Variants in IGF1R observed in about 807,000 individuals in gnomAD.
IGF1R encodes insulin-like growth factor 1 receptor.
IGF1R carries 44 observed loss-of-function variants against 144.6 expected under a neutral mutation model. The observed-to-expected ratio is 0.30, with a 90% CI of 0.24 to 0.39. The LOEUF (loss-of-function observed/expected upper bound fraction) is 0.39. IGF1R is among the 10% of genes least tolerant of loss of function. IGF1R has a pLI of 1.00. For missense variants in IGF1R, 1,355 were observed against 1,833.7 expected, an observed-to-expected ratio of 0.74 and a Z score of 4.77; for synonymous variants, 795 against 722.8, an observed-to-expected ratio of 1.10 and a Z score of -1.60.
intron 7 of IGF1R, 78 bp downstream of exon 7, chr15:98,911,519 G>C: frequency 1.9e-6 from 3 of 1,592,400 alleles, no homozygotes; most frequent in Non-Finnish European, 2.6e-6. Context: ...ATCCTTGAAT[G>C]GGCTGGCTGA....
At chr15:98,730,017 A>G (rs904219301) in intron 2 of IGF1R, among the ~76,000 whole-genome samples, 3 of 152,192 alleles carry the variant, frequency 2.0e-5, no homozygotes, top group Non-Finnish European at 4.4e-5. Context: ...TAAAAGCAGA[A>G]TTTGTGTCAG....
chr15:98,901,391 G>T (rs138176084), intron 5 of IGF1R, among the ~76,000 whole-genome samples: 5 of 152,174 alleles, frequency 3.3e-5, no homozygotes, highest in African/African-American at 1.2e-4. Context: ...TTTACCTCCC[G>T]ATGGGAAGTT....
chr15:98,745,745 A>G (rs1459616889), intron 2 of IGF1R, among the ~76,000 whole-genome samples: 1 of 152,206 alleles, frequency 6.6e-6, no homozygotes, highest in South Asian at 2.1e-4. Flanking sequence ...CCTGAAATCT[A>G]CACATTTATC....
chr15:98,859,948 C>A (rs1037251004), intron 2 of IGF1R, among the ~76,000 whole-genome samples: 4 of 152,166 alleles, frequency 2.6e-5, no homozygotes, highest in African/African-American at 9.7e-5. Context: ...TGGAGTCTTG[C>A]TCTGTCACCC....
At chr15:98,699,457 G>A (rs916879110) in intron 1 of IGF1R, among the ~76,000 whole-genome samples, 1 of 152,172 alleles carries the variant, frequency 6.6e-6, no homozygotes, top group Non-Finnish European at 1.5e-5. Flanking sequence ...TAGAATATTG[G>A]GCTTTGGGAT....
intron 5 of IGF1R, among the ~76,000 whole-genome samples, chr15:98,905,996 C>A (rs1791124428): frequency 6.6e-6 from 1 of 152,110 alleles, no homozygotes; most frequent in Non-Finnish European, 1.5e-5. Context: ...TTTTATTTTT[C>A]TTTAGCTTCC....
intron 2 of IGF1R, among the ~76,000 whole-genome samples, chr15:98,711,674 A>C (rs1377914311): frequency 2.0e-5 from 3 of 152,088 alleles, no homozygotes; most frequent in Non-Finnish European, 4.4e-5. Flanking sequence ...CTTGTCTTCC[A>C]ACGCCACCCT....
At chr15:98,652,937 T>C (rs1040035005) in intron 1 of IGF1R, among the ~76,000 whole-genome samples, 3 of 146,664 alleles carry the variant, frequency 2.0e-5, no homozygotes, top group African/African-American at 8.2e-5. Context: ...ATAAACCCTT[T>C]TTTTTTTTTT....
At chr15:98,920,381 C>T (rs1232211951) in intron 10 of IGF1R, among the ~76,000 whole-genome samples, 1 of 152,204 alleles carries the variant, frequency 6.6e-6, no homozygotes, top group African/African-American at 2.4e-5. Context: ...AACAAGTAAA[C>T]TACTGAGTAT....
chr15:98,910,845 G>C (rs2014979223), intron 6 of IGF1R, among the ~76,000 whole-genome samples: 2 of 152,216 alleles, frequency 1.3e-5, no homozygotes, highest in Non-Finnish European at 2.9e-5. Context: ...CACACCTGTA[G>C]TCTCTTACCT....
Position 98,964,226 on chromosome 15 carries a change from GAAAAA to G in IGF1R, c.*6789_*6793del. On this transcript the variant is annotated 3_prime_UTR_variant, in exon 21 of 21. Transcript: ENST00000650285. ...GTTAAAAAAAAATTTTTTTAAGTAA[GAAAAA>G]AAAAGGTAATAACATGGCCAATTTG... is the stretch of plus-strand genomic sequence containing the variant. 2 of 226,592 alleles carry G rather than the reference GAAAAA, an allele frequency of 8.8e-6. No individual in the cohort carries two copies. The highest frequency in any genetic ancestry group is 2.3e-5 in the African/African-American group (1 of 43,974). The allele number at this position is 226,592 out of a possible 1,614,324, so 14.0% of individuals were successfully genotyped here.
chr15:98,927,734 G>T (rs937209993), intron 13 of IGF1R, among the ~76,000 whole-genome samples: 1 of 152,138 alleles, frequency 6.6e-6, no homozygotes, highest in African/African-American at 2.4e-5. Flanking sequence ...TTCTTTCTTC[G>T]ATTAAAATAC....
intron 2 of IGF1R, among the ~76,000 whole-genome samples, chr15:98,743,534 A>G (rs1030089008): frequency 1.3e-5 from 2 of 152,220 alleles, no homozygotes; most frequent in Non-Finnish European, 2.9e-5. Flanking sequence ...CACAAAGGCC[A>G]GACATGATGC....
intron 1 of IGF1R, among the ~76,000 whole-genome samples, chr15:98,690,237 G>C (rs2053443499): frequency 6.6e-6 from 1 of 152,176 alleles, no homozygotes; most frequent in African/African-American, 2.4e-5. Context: ...CAGCTACTCA[G>C]GAGGCTGAGG....
chr15:98,801,093 C>A (rs2056352784), intron 2 of IGF1R, among the ~76,000 whole-genome samples: 1 of 152,020 alleles, frequency 6.6e-6, no homozygotes. Flanking sequence ...TCCCCGGGGA[C>A]CTTGCTTACT....
At chr15:98,892,527 CAAAA>C (rs368474118) in intron 3 of IGF1R, among the ~76,000 whole-genome samples, 1 of 75,598 alleles carries the variant, frequency 1.3e-5, no homozygotes, top group Non-Finnish European at 2.8e-5. Flanking sequence ...ACTCTGTCTC[CAAAA>C]AAAAAAAAAA....
At chr15:98,764,025 A>C (rs1056423898) in intron 2 of IGF1R, among the ~76,000 whole-genome samples, 2 of 152,224 alleles carry the variant, frequency 1.3e-5, no homozygotes, top group African/African-American at 4.8e-5. Context: ...GAAGAAAACA[A>C]ATGTTGTTGA....
chr15:98,869,452 T>TTTA (rs1555454968), intron 2 of IGF1R, among the ~76,000 whole-genome samples: 2 of 151,264 alleles, frequency 1.3e-5, no homozygotes, highest in African/African-American at 4.9e-5. Context: ...TTTTTTTTTT[T>TTTA]AGACGGCGTT....
chr15:98,908,617 G>A (rs1410034776), intron 5 of IGF1R, 68 bp from the exon 6 acceptor site: 17 of 1,179,990 alleles, frequency 1.4e-5, no homozygotes, highest in South Asian at 1.0e-4. Flanking sequence ...CCTGTGTTAC[G>A]TGGCCAGCAG....
Sources: gnomAD v4.1 joint callset for allele counts (sites outside exome capture counted in the v4.1 genomes callset) on GRCh38, gnomAD v4.1.1 for gene constraint, MANE v1.5 for transcripts, NCBI Gene and HGNC (gene_info 2026-07-23, HGNC 2026-07-21) for gene names.